Variants in LYPD1 observed in about 807,000 individuals in gnomAD.
The protein encoded by LYPD1 is LY6/PLAUR domain containing 1.
A neutral mutation model predicts 14.2 loss-of-function variants in LYPD1; 14 were observed. The observed-to-expected ratio is 0.99, with a 90% CI of 0.65 to 1.54. The LOEUF (loss-of-function observed/expected upper bound fraction) is 1.54. Among genes scored for constraint, LYPD1 ranks in the 40% most tolerant of loss-of-function variants. The pLI, the probability that LYPD1 is intolerant of heterozygous loss-of-function variation, is 0.00. For missense variants in LYPD1, 165 were observed against 175.7 expected (o/e 0.94, Z 0.34); for synonymous variants, 85 against 70.6 (o/e 1.20, Z -1.02).
intron 2 of LYPD1, among the ~76,000 whole-genome samples, chr2:132,656,855 AG>A (rs1682623750): frequency 6.6e-6 from 1 of 152,212 alleles, no homozygotes; most frequent in South Asian, 2.1e-4. Context: ...GGAAGTGCCA[AG>A]TTCCACACTG....
Position 132,670,191 on chromosome 2 carries a change from G to T in LYPD1, c.-259C>A, listed in dbSNP as rs1163109518. The T allele has an allele frequency of 1.5e-5, 19 of 1,231,852 alleles. No individual in the cohort carries two copies. Among genetic ancestry groups the T allele is most frequent in the Non-Finnish European group, 2.0e-5 (19 of 955,102 alleles). The allele number at this position is 1,231,852 out of a possible 1,614,324, so 76.3% of individuals were successfully genotyped here. A position where few individuals can be genotyped will look rare whatever the true frequency, so the allele number is the denominator to read the frequency against. ...CGAGCACCGCGCCTCCGGAGTTGGCGGCTGAGACTGAAGGAACTACTGGCG... is the reference window on the plus strand; with the variant it reads ...CGAGCACCGCGCCTCCGGAGTTGGCTGCTGAGACTGAAGGAACTACTGGCG... On this transcript the variant is annotated 5_prime_UTR_variant, in exon 1 of 3. Coordinates refer to ENST00000397463, the MANE Select transcript of LYPD1 (RefSeq NM_144586.7). The surrounding 1 kb of genome is among the most constrained non-coding windows in gnomAD (Gnocchi z 4.5).
At position 132,643,477 on chromosome 2, in the gene LYPD1, A is replaced by G. The variant is rs779510575; in HGVS notation, c.*2568T>C. On this transcript the variant is annotated 3_prime_UTR_variant, in exon 3 of 3. Coordinates refer to ENST00000397463, the MANE Select transcript of LYPD1 (RefSeq NM_144586.7). Reference sequence around the variant, plus strand: ...CAGGCCAGTGCATACAGGAGGCTCAATTCTGGATGTGTGAATGTGGCTGTT... The same window carrying G: ...CAGGCCAGTGCATACAGGAGGCTCAGTTCTGGATGTGTGAATGTGGCTGTT... Among the ~76,000 whole-genome samples the G allele has an allele frequency of 7.9e-5, 12 of 152,152 alleles. No individual in the cohort carries two copies. Among genetic ancestry groups the G allele is most frequent in the Non-Finnish European group, 4.4e-5 (3 of 68,022 alleles).
chr2:132,670,212 T>G, upstream of LYPD1: 1 of 977,470 alleles, frequency 1.0e-6, no homozygotes, highest in Non-Finnish European at 1.3e-6. This position sits in a 1 kb window ranked among gnomAD's most constrained non-coding sequence, Gnocchi z 4.5. Context: ...AAGGAACTAC[T>G]GGCGATCGGG....
intron 2 of LYPD1, among the ~76,000 whole-genome samples, chr2:132,665,546 C>A (rs934744038): frequency 1.3e-5 from 2 of 152,158 alleles, no homozygotes; most frequent in East Asian, 3.9e-4. Context: ...TCAGGCAGAC[C>A]TGGCAGGATA....
Position 132,669,016 on chromosome 2 carries a change from C to A in LYPD1, c.53-479G>T, listed in dbSNP as rs2104930949. Among the ~76,000 whole-genome samples the A allele has an allele frequency of 6.6e-6, 1 of 152,358 alleles. No homozygotes were observed. Among genetic ancestry groups the A allele is most frequent in the East Asian group, 1.9e-4 (1 of 5,182 alleles). On this transcript the variant is annotated intron_variant, in intron 1 of 2. Transcript: ENST00000397463. This position sits in a 1 kb window ranked among gnomAD's most constrained non-coding sequence, Gnocchi z 4.3. ...TATTTAATTTTTAAAGTCAGCGTTT[C>A]TGTGCCAGGGCTCTGAGGATCCCTG...
intron 2 of LYPD1, among the ~76,000 whole-genome samples, chr2:132,655,031 C>T (rs16839091): frequency 0.022 from 3,322 of 152,178 alleles, 111 homozygotes; most frequent in African/African-American, 0.069. Context: ...GGAGCCCGGC[C>T]TCTCTCTCCC....
chr2:132,660,457 A>G (rs1682866961), intron 2 of LYPD1: 1 of 152,262 alleles, frequency 6.6e-6, no homozygotes. Flanking sequence ...TAATAAGAGA[A>G]CATGCCCTAC....
chr2:132,662,361 G>T (rs1014979185), intron 2 of LYPD1, among the ~76,000 whole-genome samples: 1 of 152,168 alleles, frequency 6.6e-6, no homozygotes, highest in Non-Finnish European at 1.5e-5. Context: ...CAAGGGGGGA[G>T]GCTAAGCCCC....
At chr2:132,668,604 TCC>T in intron 1 of LYPD1, 67 bp from the exon 2 acceptor site, 1 of 1,582,434 alleles carries the variant, frequency 6.3e-7, no homozygotes, top group Admixed American at 1.8e-5. Flanking sequence ...ATCACGACCA[TCC>T]CACGCCTCAG....
Position 132,645,988 on chromosome 2 carries a change from G to A in LYPD1, c.*57C>T. ...GAAGAAACTCACTCAGGGAGGTGGGGGGTTGGGGGCGAGGGCTGGAAGAAC... is the reference window on the plus strand; with the variant it reads ...GAAGAAACTCACTCAGGGAGGTGGGAGGTTGGGGGCGAGGGCTGGAAGAAC... On this transcript the variant is annotated 3_prime_UTR_variant, in exon 3 of 3. Coordinates refer to ENST00000397463, the MANE Select transcript of LYPD1 (RefSeq NM_144586.7). 7.5e-7 allele frequency: 1 copy of A among 1,331,682 alleles called. No homozygotes were observed. Among genetic ancestry groups the A allele is most frequent in the Non-Finnish European group, 1.0e-6 (1 of 978,762 alleles). The allele number at this position is 1,331,682 out of a possible 1,614,324, so 82.5% of individuals were successfully genotyped here. A position where few individuals can be genotyped will look rare whatever the true frequency, so the allele number is the denominator to read the frequency against.
chr2:132,655,087 T>C (rs1460354693), intron 2 of LYPD1, among the ~76,000 whole-genome samples: 1 of 152,100 alleles, frequency 6.6e-6, no homozygotes, highest in Non-Finnish European at 1.5e-5. Flanking sequence ...ATGTGTCTGA[T>C]TGGTAAATTT....
chr2:132,645,633 G>C lies in LYPD1; in HGVS notation c.*412C>G. The C allele has an allele frequency of 6.3e-7, 1 of 1,591,588 alleles. No individual in the cohort carries two copies. The highest frequency in any genetic ancestry group is 1.7e-4 in the Middle Eastern group (1 of 5,856). On this transcript the variant is annotated 3_prime_UTR_variant, in exon 3 of 3. Transcript: ENST00000397463. ...TGTCAAGCGAGGGAGCCTTGAGTGG[G>C]AACTGGCCCTCCAGCCCTAAGAAAA...
intron 2 of LYPD1, among the ~76,000 whole-genome samples, chr2:132,668,085 G>A (rs1683384637): frequency 6.6e-6 from 1 of 152,160 alleles, no homozygotes; most frequent in South Asian, 2.1e-4. Context: ...GCCAGGGCTG[G>A]TTAGCCATAT....
At chr2:132,647,830 G>A (rs1682186418) in intron 2 of LYPD1, among the ~76,000 whole-genome samples, 1 of 152,126 alleles carries the variant, frequency 6.6e-6, no homozygotes, top group South Asian at 2.1e-4. Context: ...TTTTGGTTTT[G>A]GCTCCGTCCT....
Position 132,653,844 on chromosome 2 carries a change from A to G in LYPD1, c.191-7564T>C, listed in dbSNP as rs551448697. ...TTCTTGTCAAAAATGCAAAACCTCT[A>G]TCTGTTCATGAGAAAACAGCAGACA... is the stretch of plus-strand genomic sequence containing the variant. On this transcript the variant is annotated intron_variant, in intron 2 of 2. Coordinates refer to ENST00000397463, the MANE Select transcript of LYPD1 (RefSeq NM_144586.7). Among the ~76,000 whole-genome samples, 4 of 152,328 alleles carry G rather than the reference A, an allele frequency of 2.6e-5. No homozygotes were observed. In the South Asian group the frequency reaches 8.3e-4, roughly 32 times the overall value.
intron 2 of LYPD1, among the ~76,000 whole-genome samples, chr2:132,665,374 A>G (rs984749048): frequency 1.3e-5 from 2 of 152,308 alleles, no homozygotes; most frequent in Admixed American, 6.5e-5. Flanking sequence ...CACATCTATG[A>G]AAAAATGCAA....
rs1325848165 is a variant in LYPD1 at position 132,644,658 on chromosome 2, T to G, written c.*1387A>C. Among the ~76,000 whole-genome samples, 2 of 148,100 alleles carry G rather than the reference T, an allele frequency of 1.4e-5. No homozygotes were observed. Among genetic ancestry groups the G allele is most frequent in the Non-Finnish European group, 3.0e-5 (2 of 66,856 alleles). On this transcript the variant is annotated 3_prime_UTR_variant, in exon 3 of 3. Transcript: ENST00000397463. ...TTTGATTTAAAAATATCACTAGGTC[T>G]TCTTTGTGCAGACATCCTTTAAAAT... is the stretch of plus-strand genomic sequence containing the variant.
intron 2 of LYPD1, among the ~76,000 whole-genome samples, chr2:132,652,227 A>T (rs1192304463): frequency 6.6e-6 from 1 of 152,198 alleles, no homozygotes; most frequent in Admixed American, 6.5e-5. Context: ...GTCTTTATTA[A>T]TAGAACGTAA....
intron 2 of LYPD1, among the ~76,000 whole-genome samples, chr2:132,650,715 T>TAA (rs869233095): frequency 0.038 from 3,863 of 102,514 alleles, 196 homozygotes; most frequent in African/African-American, 0.12. Flanking sequence ...CTCCTTCCTT[T>TAA]AAAAAAAAAA....
Sources: allele counts gnomAD v4.1 joint callset (sites outside exome capture counted in the v4.1 genomes callset), GRCh38; gene constraint gnomAD v4.1.1; non-coding constraint Gnocchi (gnomAD v3.1); transcripts MANE v1.5; gene names NCBI Gene and HGNC (gene_info 2026-07-23, HGNC 2026-07-21).